Variants in SHE observed in about 807,000 individuals in gnomAD.
SHE encodes the protein Src homology 2 domain containing E, also known as SH2 domain-containing adapter protein E.
SHE carries 11 observed loss-of-function variants against 49.8 expected under a neutral mutation model. The observed-to-expected ratio is 0.22, with a 90% CI of 0.14 to 0.37. The LOEUF is 0.37. Ranked by LOEUF, SHE falls within the 10% of genes least tolerant of loss-of-function variation. SHE has a pLI of 1.00. For missense variants in SHE, 624 were observed against 655.5 expected (o/e 0.95, Z 0.52); for synonymous variants, 310 against 278.1 (o/e 1.11, Z -1.14).
In SHE at chr1:154,479,819, A is replaced by T. The variant is rs1691971938; in HGVS notation, c.*4330T>A. ...ATTCTAAATTACACGATCCAGCCTT[A>T]GTCCAGGGACCTTGTGATGATAGTT... On this transcript the variant is annotated 3_prime_UTR_variant, in exon 6 of 6. Coordinates refer to ENST00000304760, the MANE Select transcript of SHE (RefSeq NM_001010846.3). The T allele has an allele frequency of 1.0e-6, 1 of 985,330 alleles. No homozygotes were observed. The highest frequency in any genetic ancestry group is 4.7e-5 in the South Asian group (1 of 21,292). The allele number at this position is 985,330 out of a possible 1,614,324, so 61.0% of individuals were successfully genotyped here.
rs1692828913 is a variant in SHE, at chr1:154,502,389, A to AAT, written c.-364_-363insAT. ...GAGAGGACCGAGCGGAGGCGGCGGG[A>AAT]GTATCCCCGGCGCAGCGACAGACGG... On this transcript the variant is annotated 5_prime_UTR_variant, in exon 1 of 6. Transcript: ENST00000304760. The AAT allele has an allele frequency of 6.4e-6, 1 of 156,344 alleles. No homozygotes were observed. The highest frequency in any genetic ancestry group is 1.4e-5 in the Non-Finnish European group (1 of 70,958). The allele number at this position is 156,344 out of a possible 1,614,324, so 9.7% of individuals were successfully genotyped here.
intron 5 of SHE, chr1:154,485,705 G>C: frequency 2.2e-6 from 1 of 447,080 alleles, no homozygotes; most frequent in Admixed American, 3.3e-5. Context: ...ATTGACTAAT[G>C]CACAAAGATA....
chr1:154,498,962 T>C, intron 2 of SHE, 150 bp downstream of exon 2: 1 of 936,908 alleles, frequency 1.1e-6, no homozygotes, highest in Non-Finnish European at 1.6e-6. Flanking sequence ...TAGTCCGACA[T>C]TAGTTTGGGG....
intron 2 of SHE, among the ~76,000 whole-genome samples, chr1:154,495,396 T>G (rs1210640455): frequency 6.6e-6 from 1 of 152,248 alleles, no homozygotes; most frequent in African/African-American, 2.4e-5. Flanking sequence ...TATCTTTTTA[T>G]GAACAATCCT....
At chr1:154,475,224 T>A (rs1691848400), downstream of SHE, among the ~76,000 whole-genome samples, 1 of 152,218 alleles carries the variant, frequency 6.6e-6, no homozygotes, top group African/African-American at 2.4e-5. Context: ...TTCACTCTTT[T>A]TGCCCAGGCT....
intron 3 of SHE, among the ~76,000 whole-genome samples, chr1:154,487,142 C>T (rs1023354407): frequency 6.6e-6 from 1 of 151,998 alleles, no homozygotes; most frequent in African/African-American, 2.4e-5. Flanking sequence ...CGTCGTGGCT[C>T]GTGCTTGGAG....
chr1:154,489,485 A>G (rs1317073760), intron 2 of SHE, 129 bp from the exon 3 acceptor site: 1 of 1,164,088 alleles, frequency 8.6e-7, no homozygotes, highest in Non-Finnish European at 1.2e-6. Flanking sequence ...AAGGTGGCAG[A>G]TAACTCCAAG....
intron 1 of SHE, among the ~76,000 whole-genome samples, chr1:154,473,952 A>G (rs1264108213): frequency 6.6e-6 from 1 of 152,202 alleles, no homozygotes; most frequent in East Asian, 1.9e-4. Context: ...TATATTGAAG[A>G]TGGTGGTCCA....
At position 154,483,338 on chromosome 1, in the gene SHE, T is replaced by C; in HGVS notation, c.*811A>G. ...ATGAACTCCAGAGCTGAATTAGGAC[T>C]TCTGAGGGAGAAAGACCACCTTCTT... On this transcript the variant is annotated 3_prime_UTR_variant, in exon 6 of 6. Coordinates refer to ENST00000304760, the MANE Select transcript of SHE (RefSeq NM_001010846.3). 1.0e-6 allele frequency: 1 copy of C among 985,440 alleles called. No individual in the cohort carries two copies. The highest frequency in any genetic ancestry group is 1.2e-6 in the Non-Finnish European group (1 of 829,934). The allele number at this position is 985,440 out of a possible 1,614,324, so 61.0% of individuals were successfully genotyped here. A position where few individuals can be genotyped will look rare whatever the true frequency, so the allele number is the denominator to read the frequency against.
chr1:154,489,328 G>A lies in SHE; in HGVS notation c.747C>T (p.Pro249=), dbSNP rs1018556217. 2.5e-6 allele frequency: 4 copies of A among 1,613,644 alleles called. No individual in the cohort carries two copies. The highest frequency in any genetic ancestry group is 3.4e-6 in the Non-Finnish European group (4 of 1,179,776). ...TEIRRRGSKD[P]LVKALQLLDS... ...CAAGCAGCTGGAGAGCCTTCACCAG[G>A]GGATCTTTGGAACCCCGTCGTCTAA... Residue 249 remains proline (P), a synonymous_variant, in exon 3 of 6, where the codon CCC becomes CCT. Transcript: ENST00000304760.
chr1:154,483,935 T>C lies in SHE; in HGVS notation c.*214A>G. 7.6e-7 allele frequency: 1 copy of C among 1,318,510 alleles called. No individual in the cohort carries two copies. Among genetic ancestry groups the C allele is most frequent in the Non-Finnish European group, 9.8e-7 (1 of 1,021,728 alleles). The allele number at this position is 1,318,510 out of a possible 1,614,324, so 81.7% of individuals were successfully genotyped here. On this transcript the variant is annotated 3_prime_UTR_variant, in exon 6 of 6. Transcript: ENST00000304760. ...ACTGCTTGAACCCAGGAGTCAGATG[T>C]TGCAGTGAGCCAAGATTGCGCCATT...
intron 1 of SHE, 30 bp downstream of exon 1, chr1:154,501,406 G>T (rs766001138): frequency 6.2e-7 from 1 of 1,603,758 alleles, no homozygotes; most frequent in East Asian, 2.2e-5. Context: ...CTTCGACTGA[G>T]AGGTGGTCCA....
chr1:154,499,019 T>C, intron 2 of SHE, 93 bp downstream of exon 2: 1 of 1,470,638 alleles, frequency 6.8e-7, no homozygotes, highest in Non-Finnish European at 9.1e-7. Flanking sequence ...TAAATTGCTT[T>C]ATCCCTCTTC....
chr1:154,483,598 G>C lies in SHE; in HGVS notation c.*551C>G. The stretch of plus-strand genomic sequence containing the variant: ...ACCATAAAAAGAACACCCTACCCCA[G>C]AGCTGGAGGCAACAGCTAAATCATG... On this transcript the variant is annotated 3_prime_UTR_variant, in exon 6 of 6. Transcript: ENST00000304760. 1 of 985,732 alleles carries C rather than the reference G, an allele frequency of 1.0e-6. No homozygotes were observed. Among genetic ancestry groups the C allele is most frequent in the Non-Finnish European group, 1.2e-6 (1 of 830,210 alleles). The allele number at this position is 985,732 out of a possible 1,614,324, so 61.1% of individuals were successfully genotyped here. A position where few individuals can be genotyped will look rare whatever the true frequency, so the allele number is the denominator to read the frequency against.
At chr1:154,500,396 G>A (rs1692673452) in intron 1 of SHE, among the ~76,000 whole-genome samples, 1 of 152,162 alleles carries the variant, frequency 6.6e-6, no homozygotes, top group Admixed American at 6.5e-5. Context: ...GGGTGGGCAT[G>A]CTGTATTTAC....
intron 1 of SHE, among the ~76,000 whole-genome samples, chr1:154,473,032 G>A (rs1017396812): frequency 6.6e-6 from 1 of 151,828 alleles, no homozygotes; most frequent in African/African-American, 2.4e-5. Context: ...GAGTTTTGCT[G>A]TTGTTGCCAA....
chr1:154,481,267 C>T lies in SHE; in HGVS notation c.*2882G>A. On this transcript the variant is annotated 3_prime_UTR_variant, in exon 6 of 6. Coordinates refer to ENST00000304760, the MANE Select transcript of SHE (RefSeq NM_001010846.3). ...GGCTTTTGTCAGCTTGTGTCACAAC[C>T]TCAAGAAGAAAATAGCTCACTAACG... The T allele has an allele frequency of 3.0e-6, 3 of 985,410 alleles. No individual in the cohort carries two copies. Among genetic ancestry groups the T allele is most frequent in the Non-Finnish European group, 3.6e-6 (3 of 829,950 alleles). The allele number at this position is 985,410 out of a possible 1,614,324, so 61.0% of individuals were successfully genotyped here.
Position 154,501,697 on chromosome 1 carries a change from A to G in SHE, c.330T>C (p.Gly110=). The change falls in exon 1 of 6, where the codon GGT becomes GGC. Residue 110 remains glycine, a synonymous_variant. Transcript: ENST00000304760. Reference sequence around the variant, plus strand: ...CCTTGCCCGCGGCGGCCTGAATCAGACCCTGCAGGCTGTCGCGGGACAGCC... The same window carrying G: ...CCTTGCCCGCGGCGGCCTGAATCAGGCCCTGCAGGCTGTCGCGGGACAGCC... ...DSRLSRDSLQ[G]LIQAAAGKGR... The G allele has an allele frequency of 6.2e-7, 1 of 1,610,724 alleles. No individual in the cohort carries two copies. Among genetic ancestry groups the G allele is most frequent in the Non-Finnish European group, 8.5e-7 (1 of 1,179,126 alleles).
At chr1:154,478,079 C>A (rs1557793418), downstream of SHE, among the ~76,000 whole-genome samples, 1 of 151,998 alleles carries the variant, frequency 6.6e-6, no homozygotes, top group African/African-American at 2.4e-5. Flanking sequence ...TTTCACTCAG[C>A]GTAATGGTCT....
Sources: gnomAD v4.1 joint callset for allele counts (sites outside exome capture counted in the v4.1 genomes callset) on GRCh38, gnomAD v4.1.1 for gene constraint, MANE v1.5 for transcripts, NCBI Gene and HGNC (gene_info 2026-07-23, HGNC 2026-07-21) for gene names.